ZNF207: variants seen among roughly 807,000 people sequenced by gnomAD.
The protein encoded by ZNF207 is BUB3-interacting and GLEBS motif-containing protein ZNF207.
ZNF207 carries 24 observed loss-of-function variants against 60.2 expected under a neutral mutation model. The ratio of observed to expected loss-of-function variants is 0.40; its 90% CI spans 0.29 to 0.56. ZNF207 has a LOEUF of 0.56. Among genes scored for constraint, ZNF207 ranks in the 20% least tolerant of loss-of-function variants. The pLI, the probability that ZNF207 is intolerant of heterozygous loss-of-function variation, is 0.49. For synonymous variants in ZNF207, 236 were observed against 194.7 expected (o/e 1.21, Z -1.77); for missense variants, 452 against 636.6 (o/e 0.71, Z 3.12).
Position 32,369,648 on chromosome 17 carries a change from T to C in ZNF207, c.1374T>C (p.Ala458=). The C allele has an allele frequency of 6.3e-7, 1 of 1,587,928 alleles. No individual in the cohort carries two copies. The highest frequency in any genetic ancestry group is 1.2e-5 in the South Asian group (1 of 86,778). Residue 458 remains alanine, a synonymous_variant, in exon 12 of 12, where the codon GCT becomes GCC. Transcript: ENST00000394670. ...HQGMPGYLPG[A]MPPYGQGPPM... is the part of the protein sequence containing the mutation. ...GCATGCCAGGATACCTTCCTGGTGC[T>C]ATGCCCCCGTATGGGCAGGGACCGC...
chr17:32,357,351 A>ATTTTT (rs1164011891), intron 2 of ZNF207, among the ~76,000 whole-genome samples: 15 of 74,022 alleles, frequency 2.0e-4, no homozygotes, highest in African/African-American at 7.9e-4. Flanking sequence ...TATTATTATT[A>ATTTTT]TTTTTTTTTT....
chr17:32,362,548 C>CT (rs1326860473), intron 6 of ZNF207, among the ~76,000 whole-genome samples: 2 of 152,152 alleles, frequency 1.3e-5, no homozygotes, highest in African/African-American at 4.8e-5. Context: ...GAGATTTCTT[C>CT]TTTTTCTTTA....
chr17:32,367,751 A>T (rs747064266), intron 9 of ZNF207, 21 bp from the exon 10 acceptor site: 7 of 1,609,620 alleles, frequency 4.3e-6, no homozygotes, highest in African/African-American at 1.3e-5. Flanking sequence ...AGTTTCGTTG[A>T]TGAAGTATTG....
intron 7 of ZNF207, 37 bp from the exon 8 acceptor site, chr17:32,365,293 C>T (rs1174432111): frequency 1.3e-6 from 2 of 1,583,328 alleles, no homozygotes; most frequent in Non-Finnish European, 1.7e-6. Context: ...CTAAATTTTT[C>T]AGTGACTCAA....
rs1401771106 is a variant in ZNF207 at position 32,378,905 on chromosome 17, G to A, written c.*9146G>A. 6.6e-6 allele frequency: 1 copy of A among 151,974 alleles called. No individual in the cohort carries two copies. Among genetic ancestry groups the A allele is most frequent in the Non-Finnish European group, 1.5e-5 (1 of 67,902 alleles). 9.4% of individuals were successfully genotyped at this position (151,974 alleles called of 1,614,324 possible). A position where few individuals can be genotyped will look rare whatever the true frequency, so the allele number is the denominator to read the frequency against. Reference sequence around the variant, plus strand: ...TGTATGGCTTCTTCCTTTTCACCTTGTGTGATGTTTAATTTGAGACGATCT... The same window carrying A: ...TGTATGGCTTCTTCCTTTTCACCTTATGTGATGTTTAATTTGAGACGATCT... On this transcript the variant is annotated 3_prime_UTR_variant, in exon 12 of 12. Transcript: ENST00000394670.
intron 9 of ZNF207, among the ~76,000 whole-genome samples, chr17:32,367,111 A>C (rs1597789036): frequency 6.6e-6 from 1 of 151,466 alleles, no homozygotes; most frequent in South Asian, 2.1e-4. Context: ...CCTAGTCTAC[A>C]TGTTTTAGAT....
rs1255089934 is a variant in ZNF207, at chr17:32,371,064, C to G, written c.*1305C>G. 2 of 152,158 alleles carry G rather than the reference C, an allele frequency of 1.3e-5. No homozygotes were observed. Among genetic ancestry groups the G allele is most frequent in the African/African-American group, 4.8e-5 (2 of 41,420 alleles). 9.4% of individuals were successfully genotyped at this position (152,158 alleles called of 1,614,324 possible). A position where few individuals can be genotyped will look rare whatever the true frequency, so the allele number is the denominator to read the frequency against. On this transcript the variant is annotated 3_prime_UTR_variant, in exon 12 of 12. Transcript: ENST00000394670. ...GAGAGCTTTTCTGTAGAGATGACTG[C>G]TATTCAATATTTTGTGTTGCAACCT...
intron 2 of ZNF207, among the ~76,000 whole-genome samples, chr17:32,358,197 A>G (rs1391067777): frequency 1.3e-5 from 2 of 152,198 alleles, no homozygotes; most frequent in Admixed American, 1.3e-4. Flanking sequence ...TCAAGATTAT[A>G]TGGTAAACTT....
chr17:32,368,076 C>A, intron 10 of ZNF207, 62 bp downstream of exon 10: 2 of 1,590,560 alleles, frequency 1.3e-6, no homozygotes, highest in Non-Finnish European at 1.7e-6. Flanking sequence ...GCAGTTCGTC[C>A]CTTTAAAATA....
At position 32,377,811 on chromosome 17, in the gene ZNF207, T is replaced by A. The variant is rs571893929; in HGVS notation, c.*8052T>A. Reference sequence around the variant, plus strand: ...AAAAAAAAAAACTAGGGAAAAGTTTTAAATGTATTAGTATCAGGCTCTGAG... The same window carrying A: ...AAAAAAAAAAACTAGGGAAAAGTTTAAAATGTATTAGTATCAGGCTCTGAG... On this transcript the variant is annotated 3_prime_UTR_variant, in exon 12 of 12. Coordinates refer to ENST00000394670, the MANE Select transcript of ZNF207 (RefSeq NM_001098507.2). 1.3e-4 allele frequency: 20 copies of A among 152,498 alleles called. No homozygotes were observed. The South Asian group carries it at 4.1e-3, about 32-fold the overall frequency. The allele number at this position is 152,498 out of a possible 1,614,324, so 9.4% of individuals were successfully genotyped here.
chr17:32,367,905 C>G lies in ZNF207; in HGVS notation c.1055C>G (p.Thr352Arg). The G allele has an allele frequency of 1.2e-6, 2 of 1,614,160 alleles. No individual in the cohort carries two copies. Among genetic ancestry groups the G allele is most frequent in the Non-Finnish European group, 1.7e-6 (2 of 1,180,028 alleles). ...TCTACAGCTTCAACAACTAGTACAA[C>G]AAATAGTACTGCAGCTAAACCAGCG... ...TQSTASTTST[T>R]NSTAAKPAAS... The change falls in exon 10 of 12, where the codon ACA becomes AGA. Residue 352 changes from threonine (T) to arginine (R), a missense_variant. Coordinates refer to ENST00000394670, the MANE Select transcript of ZNF207 (RefSeq NM_001098507.2).
intron 6 of ZNF207, among the ~76,000 whole-genome samples, chr17:32,361,864 A>G (rs184658072): frequency 2.0e-5 from 3 of 152,330 alleles, no homozygotes; most frequent in Admixed American, 6.5e-5. Context: ...TATTAATAGA[A>G]GTTAATCTTC....
chr17:32,364,121 C>G lies in ZNF207; in HGVS notation c.670+1137C>G, dbSNP rs564215340. 1.8e-3 allele frequency among the ~76,000 whole-genome samples: 278 copies of G among 152,090 alleles called. 2 individuals carry two copies. Among genetic ancestry groups the G allele is most frequent in the African/African-American group, 6.4e-3 (266 of 41,506 alleles). On this transcript the variant is annotated intron_variant, in intron 7 of 11. Coordinates refer to ENST00000394670, the MANE Select transcript of ZNF207 (RefSeq NM_001098507.2). ...GATCATAGCTCACTGCAGCCGCAGC[C>G]TCCCAAAGTGCTGGGATTACAGGTG...
chr17:32,374,130 C>A lies in ZNF207; in HGVS notation c.*4371C>A, dbSNP rs1360701722. On this transcript the variant is annotated 3_prime_UTR_variant, in exon 12 of 12. Coordinates refer to ENST00000394670, the MANE Select transcript of ZNF207 (RefSeq NM_001098507.2). ...GGCCAGGCTGGTCTCAAACTCCTGACCTCAGGTGATCCACCCATCTCAGCC... is the reference window on the plus strand; with the variant it reads ...GGCCAGGCTGGTCTCAAACTCCTGAACTCAGGTGATCCACCCATCTCAGCC... The A allele has an allele frequency of 6.6e-6, 1 of 151,972 alleles. No homozygotes were observed. Among genetic ancestry groups the A allele is most frequent in the Non-Finnish European group, 1.5e-5 (1 of 68,116 alleles). The allele number at this position is 151,972 out of a possible 1,614,324, so 9.4% of individuals were successfully genotyped here. A position where few individuals can be genotyped will look rare whatever the true frequency, so the allele number is the denominator to read the frequency against.
chr17:32,362,735 A>G (rs1904955322), intron 6 of ZNF207, 179 bp from the exon 7 acceptor site: 1 of 469,176 alleles, frequency 2.1e-6, no homozygotes, highest in East Asian at 3.3e-5. Context: ...GTTTTAGACA[A>G]TTTATTTTGA....
In ZNF207 at chr17:32,372,927, G is replaced by A; in HGVS notation, c.*3168G>A. The A allele has an allele frequency of 6.6e-6, 1 of 152,246 alleles. No homozygotes were observed. Among genetic ancestry groups the A allele is most frequent in the Non-Finnish European group, 1.5e-5 (1 of 68,108 alleles). The allele number at this position is 152,246 out of a possible 1,614,324, so 9.4% of individuals were successfully genotyped here. On this transcript the variant is annotated 3_prime_UTR_variant, in exon 12 of 12. Transcript: ENST00000394670. ...GGAAGCTGTAAGGTTAGTAGGGCTG[G>A]CAACTTTGGCTCTACCTTACATCCA... is the stretch of plus-strand genomic sequence containing the variant.
intron 10 of ZNF207, 55 bp from the exon 11 acceptor site, chr17:32,369,240 G>T (rs948907041): frequency 1.3e-6 from 2 of 1,582,736 alleles, no homozygotes; most frequent in African/African-American, 2.7e-5. Context: ...ATGCCTTTAT[G>T]CTTGGTGAGC....
In ZNF207 at chr17:32,367,996, A is replaced by G. The variant is rs759283969; in HGVS notation, c.1146A>G (p.Pro382=). The change falls in exon 10 of 12, where the codon CCA becomes CCG. Residue 382 remains proline (P), a synonymous_variant. Transcript: ENST00000394670. ...TTSATSKLIH[P]DEDISLEERR... ...GTGCAACCAGTAAGTTGATCCATCC[A>G]GATGAGGATATATCCCTGGTAAGTT... The G allele has an allele frequency of 6.2e-7, 1 of 1,614,090 alleles. No homozygotes were observed. The highest frequency in any genetic ancestry group is 1.3e-5 in the African/African-American group (1 of 74,938).
intron 2 of ZNF207, among the ~76,000 whole-genome samples, chr17:32,354,631 T>TC (rs1453638352): frequency 4.6e-5 from 7 of 151,952 alleles, no homozygotes; most frequent in African/African-American, 1.4e-4. Flanking sequence ...TTTTTTTTTT[T>TC]CTTGAGACGG....
Sources: allele counts gnomAD v4.1 joint callset (sites outside exome capture counted in the v4.1 genomes callset), GRCh38; gene constraint gnomAD v4.1.1; transcripts MANE v1.5; gene names NCBI Gene and HGNC (gene_info 2026-07-23, HGNC 2026-07-21).